Variants in PNRC2 observed in about 807,000 individuals in gnomAD.
PNRC2 encodes proline-rich nuclear receptor coactivator 2.
PNRC2 carries 2 observed loss-of-function variants against 12.2 expected under a neutral mutation model. That is an observed-to-expected ratio of 0.16 (90% CI 0.07 to 0.52). The LOEUF is 0.52. PNRC2 is among the 20% of genes least tolerant of loss of function. The pLI, the probability that PNRC2 is intolerant of heterozygous loss-of-function variation, is 0.95. For synonymous variants in PNRC2, 44 were observed against 53.9 expected (o/e 0.82, Z 0.80); for missense variants, 115 against 158.4 (o/e 0.73, Z 1.47).
In PNRC2 at chr1:23,963,319, CAAAT is replaced by C. The variant is rs1490673821; in HGVS notation, c.*1447_*1450del. 1.2e-5 allele frequency: 2 copies of C among 166,832 alleles called. No individual in the cohort carries two copies. The highest frequency in any genetic ancestry group is 3.1e-3 in the Middle Eastern group (1 of 318). The allele number at this position is 166,832 out of a possible 1,614,324, so 10.3% of individuals were successfully genotyped here. ...AGCAGATGCCTAAGCTGTATTTCTC[CAAAT>C]AAATCAAGATGAAGTACTGCCCAAG... On this transcript the variant is annotated 3_prime_UTR_variant, in exon 3 of 3. Transcript: ENST00000334351.
At chr1:23,960,779 A>G (rs1264759696) in intron 1 of PNRC2, 150 bp from the exon 2 acceptor site, 2 of 382,524 alleles carry the variant, frequency 5.2e-6, no homozygotes, top group Admixed American at 9.0e-5. Context: ...GGTCGTGGTT[A>G]TAAGGTCAAA....
Position 23,961,326 on chromosome 1 carries a change from T to C in PNRC2, c.-18-114T>C, listed in dbSNP as rs956926271. 1.1e-5 allele frequency: 7 copies of C among 615,622 alleles called. No homozygotes were observed. In the Admixed American group the frequency reaches 1.4e-4, roughly 12 times the overall value. 38.1% of individuals were successfully genotyped at this position (615,622 alleles called of 1,614,324 possible). Reference sequence around the variant, plus strand: ...TTTAAAGCAGCTGAATAGCCTGTTATTGAGTCTTGTCCAAAATATCTGGAG... The same window carrying C: ...TTTAAAGCAGCTGAATAGCCTGTTACTGAGTCTTGTCCAAAATATCTGGAG... On this transcript the variant is annotated intron_variant, in intron 2 of 2. Transcript: ENST00000334351.
At chr1:23,960,347 C>T (rs1641253642) in intron 1 of PNRC2, among the ~76,000 whole-genome samples, 1 of 152,212 alleles carries the variant, frequency 6.6e-6, no homozygotes, top group Non-Finnish European at 1.5e-5. Context: ...CAAATTAAAA[C>T]CAAACCTTGA....
rs1348384859 is a variant in PNRC2, at chr1:23,962,018, A to G, written c.*141A>G. On this transcript the variant is annotated 3_prime_UTR_variant, in exon 3 of 3. Transcript: ENST00000334351. ...TCTCGTGTTGTGTGCACTGTGATAT[A>G]ATGGTAGTATCAGTGCAACTTAAAC... 1 of 594,712 alleles carries G rather than the reference A, an allele frequency of 1.7e-6. No individual in the cohort carries two copies. Among genetic ancestry groups the G allele is most frequent in the African/African-American group, 2.1e-5 (1 of 48,692 alleles). 36.8% of individuals were successfully genotyped at this position (594,712 alleles called of 1,614,324 possible).
intron 1 of PNRC2, among the ~76,000 whole-genome samples, chr1:23,960,627 ACTT>A (rs375450411): frequency 1.3e-5 from 2 of 152,200 alleles, no homozygotes; most frequent in African/African-American, 4.8e-5. Flanking sequence ...AACATTTAAC[ACTT>A]CCTTGATTTT....
At chr1:23,960,827 C>T in intron 1 of PNRC2, 102 bp from the exon 2 acceptor site, 1 of 395,318 alleles carries the variant, frequency 2.5e-6, no homozygotes, top group Non-Finnish European at 4.5e-6. Flanking sequence ...CCTTTTAGTT[C>T]AGGAAGTAGC....
At position 23,961,152 on chromosome 1, in the gene PNRC2, C is replaced by T; in HGVS notation, c.-19+18C>T. 2.4e-6 allele frequency: 1 copy of T among 416,444 alleles called. No individual in the cohort carries two copies. 25.8% of individuals were successfully genotyped at this position (416,444 alleles called of 1,614,324 possible). A position where few individuals can be genotyped will look rare whatever the true frequency, so the allele number is the denominator to read the frequency against. ...ACTGAAAGGTAATCATCATAATGGG[C>T]AAACATTTTATGATGGAACCATCCT... On this transcript the variant is annotated intron_variant, in intron 2 of 2. Transcript: ENST00000334351.
chr1:23,960,816 A>G (rs1430354413), intron 1 of PNRC2, 113 bp from the exon 2 acceptor site: 18 of 394,280 alleles, frequency 4.6e-5, no homozygotes, highest in African/African-American at 3.5e-4. Flanking sequence ...GAAATTTTCT[A>G]CCTTTTAGTT....
Position 23,961,453 on chromosome 1 carries a change from T to C in PNRC2, c.-5T>C, listed in dbSNP as rs368355148. ...ATTCACTTGTAGGTGACAAAGAAGC[T>C]GAAGATGGGTGGTGGAGAGAGGTAT... On this transcript the variant is annotated 5_prime_UTR_variant, in exon 3 of 3. Transcript: ENST00000334351. The C allele has an allele frequency of 8.9e-6, 14 of 1,579,516 alleles. No individual in the cohort carries two copies. The African/African-American group carries it at 1.8e-4, about 20-fold the overall frequency.
chr1:23,961,725 A>C lies in PNRC2; in HGVS notation c.268A>C (p.Asn90His). Reference protein sequence around the residue: ...GPRLLFKSQANQNYAGAKFSE... With the variant: ...GPRLLFKSQAHQNYAGAKFSE... ...CAGGTTACTTTTTAAATCTCAAGCT[A>C]ATCAGAACTATGCTGGTGCCAAATT... is the stretch of plus-strand genomic sequence containing the variant. Residue 90 changes from asparagine to histidine, a missense_variant, in exon 3 of 3, where the codon AAT (asparagine) becomes CAT (histidine). Physicochemically the swap from Asn to His is moderately conservative, Grantham distance 68. Coordinates refer to ENST00000334351, the MANE Select transcript of PNRC2 (RefSeq NM_017761.4). 6.2e-7 allele frequency: 1 copy of C among 1,614,020 alleles called. No individual in the cohort carries two copies.
Position 23,961,907 on chromosome 1 carries a change from T to C in PNRC2, c.*30T>C. ...AGACAAATGTTTAAATTTAGTTATGTTCACGGATAGTTGTCAATTGGTCTG... is the reference window on the plus strand; with the variant it reads ...AGACAAATGTTTAAATTTAGTTATGCTCACGGATAGTTGTCAATTGGTCTG... On this transcript the variant is annotated 3_prime_UTR_variant, in exon 3 of 3. Coordinates refer to ENST00000334351, the MANE Select transcript of PNRC2 (RefSeq NM_017761.4). The C allele has an allele frequency of 7.1e-7, 1 of 1,399,214 alleles. No homozygotes were observed. Among genetic ancestry groups the C allele is most frequent in the South Asian group, 1.3e-5 (1 of 76,740 alleles). 86.7% of individuals were successfully genotyped at this position (1,399,214 alleles called of 1,614,324 possible).
chr1:23,961,520 A>G lies in PNRC2; in HGVS notation c.63A>G (p.Gln21=). The G allele has an allele frequency of 1.2e-6, 2 of 1,613,288 alleles. No individual in the cohort carries two copies. Among genetic ancestry groups the G allele is most frequent in the Non-Finnish European group, 1.7e-6 (2 of 1,179,590 alleles). Residue 21 remains glutamine (Q), a synonymous_variant, in exon 3 of 3, where the codon CAA becomes CAG. Coordinates refer to ENST00000334351, the MANE Select transcript of PNRC2 (RefSeq NM_017761.4). ...AATCTAGAAATGTTAGTAAGAACCA[A>G]CAACAGCTTAACAGACAGAAGACCA... ...APQSRNVSKN[Q]QQLNRQKTKE... is the part of the protein sequence containing the mutation.
intron 2 of PNRC2, 33 bp from the exon 3 acceptor site, chr1:23,961,407 T>C: frequency 6.9e-7 from 1 of 1,447,694 alleles, no homozygotes; most frequent in East Asian, 2.3e-5. Flanking sequence ...CTTAATGGAA[T>C]TTTACTCAAT....
chr1:23,960,830 G>C, intron 1 of PNRC2, 99 bp from the exon 2 acceptor site: 2 of 395,666 alleles, frequency 5.1e-6, no homozygotes, highest in South Asian at 1.4e-4. Flanking sequence ...TTTAGTTCAG[G>C]AAGTAGCCTT....
At position 23,960,998 on chromosome 1, in the gene PNRC2, G is replaced by C; in HGVS notation, c.-155G>C. 1 of 401,794 alleles carries C rather than the reference G, an allele frequency of 2.5e-6. No individual in the cohort carries two copies. The highest frequency in any genetic ancestry group is 1.2e-4 in the South Asian group (1 of 8,220). The allele number at this position is 401,794 out of a possible 1,614,324, so 24.9% of individuals were successfully genotyped here. On this transcript the variant is annotated 5_prime_UTR_variant, in exon 2 of 3. Transcript: ENST00000334351. ...GGCCTCAGCTCCTAGGCTGAACTCA[G>C]CAGATCGGCCCATGAAAACTTCTGT... is the stretch of plus-strand genomic sequence containing the variant.
Position 23,963,078 on chromosome 1 carries a change from ATGTTT to A in PNRC2, c.*1208_*1212del, listed in dbSNP as rs1257991903. On this transcript the variant is annotated 3_prime_UTR_variant, in exon 3 of 3. Coordinates refer to ENST00000334351, the MANE Select transcript of PNRC2 (RefSeq NM_017761.4). ...GGTAGTTTCGAGTATGGTGCCAGTG[ATGTTT>A]TGTTTTTGTTTGGTCAAGGGGTAGG... 1.1e-4 allele frequency: 19 copies of A among 166,888 alleles called. No homozygotes were observed. Among genetic ancestry groups the A allele is most frequent in the Admixed American group, 1.0e-3 (16 of 15,262 alleles). 10.3% of individuals were successfully genotyped at this position (166,888 alleles called of 1,614,324 possible). A position where few individuals can be genotyped will look rare whatever the true frequency, so the allele number is the denominator to read the frequency against.
At chr1:23,960,498 T>C (rs1641257506) in intron 1 of PNRC2, among the ~76,000 whole-genome samples, 1 of 152,320 alleles carries the variant, frequency 6.6e-6, no homozygotes, top group Middle Eastern at 3.4e-3. Context: ...GATGTCTACA[T>C]GTTCCAAGAG....
At chr1:23,959,684 A>C (rs1641239837), upstream of PNRC2, 1 of 152,900 alleles carries the variant, frequency 6.5e-6, no homozygotes, top group Admixed American at 6.5e-5. Context: ...AACCCTCTGC[A>C]GCCCCACCTC....
chr1:23,963,283 CTAAGCAGG>C lies in PNRC2; in HGVS notation c.*1414_*1421del, dbSNP rs1321828674. The stretch of plus-strand genomic sequence containing the variant: ...TTTCTAATTTGGCACCTCTTGATGC[CTAAGCAGG>C]TAAGCAGATGCCTAAGCTGTATTTC... On this transcript the variant is annotated 3_prime_UTR_variant, in exon 3 of 3. Transcript: ENST00000334351. The C allele has an allele frequency of 1.8e-5, 3 of 166,962 alleles. No homozygotes were observed. The highest frequency in any genetic ancestry group is 6.5e-5 in the Admixed American group (1 of 15,282). 10.3% of individuals were successfully genotyped at this position (166,962 alleles called of 1,614,324 possible). A position where few individuals can be genotyped will look rare whatever the true frequency, so the allele number is the denominator to read the frequency against.
Sources: allele counts gnomAD v4.1 joint callset (sites outside exome capture counted in the v4.1 genomes callset), GRCh38; gene constraint gnomAD v4.1.1; transcripts MANE v1.5; gene names NCBI Gene and HGNC (gene_info 2026-07-23, HGNC 2026-07-21).